Variants in FGF12 observed in about 807,000 individuals in gnomAD.
FGF12 encodes fibroblast growth factor 12.
Under a neutral mutation model 23.6 loss-of-function variants are expected in FGF12, and 14 were observed. The observed-to-expected ratio is 0.59, with a 90% CI of 0.39 to 0.93. The LOEUF (loss-of-function observed/expected upper bound fraction) is 0.93, where lower values mean the gene tolerates loss of function less well. Ranked by LOEUF, FGF12 falls within the 40% of genes least tolerant of loss-of-function variation. The pLI is 0.00. For missense variants in FGF12, 175 were observed against 217.8 expected (o/e 0.80, Z 1.24); for synonymous variants, 62 against 77.3 (o/e 0.80, Z 1.04).
intron 4 of FGF12, among the ~76,000 whole-genome samples, chr3:192,291,444 G>A (rs1714754448): frequency 6.6e-6 from 1 of 152,104 alleles, no homozygotes; most frequent in Admixed American, 6.6e-5. Context: ...TTAGCTGGGT[G>A]TGGTGGCACA....
Position 192,140,314 on chromosome 3 carries a change from T to G in FGF12, c.*3695A>C, listed in dbSNP as rs1363575690. On this transcript the variant is annotated 3_prime_UTR_variant, in exon 6 of 6. Transcript: ENST00000445105. ...GAGAAATAACCTCAGCCTTTTATGGTATTAAAATGAGCAGGGAATTTTTAT... is the reference window on the plus strand; with the variant it reads ...GAGAAATAACCTCAGCCTTTTATGGGATTAAAATGAGCAGGGAATTTTTAT... The G allele has an allele frequency of 2.0e-5, 3 of 152,046 alleles. No individual in the cohort carries two copies. Among genetic ancestry groups the G allele is most frequent in the Non-Finnish European group, 4.4e-5 (3 of 67,916 alleles). The allele number at this position is 152,046 out of a possible 1,614,324, so 9.4% of individuals were successfully genotyped here.
At chr3:192,661,297 G>A (rs1409622011) in intron 2 of FGF12, among the ~76,000 whole-genome samples, 9 of 152,202 alleles carry the variant, frequency 5.9e-5, no homozygotes, top group Admixed American at 1.3e-4. Flanking sequence ...CAAGGCGGGC[G>A]GATCACTTGA....
At chr3:192,373,884 TC>T (rs1719355369) in intron 2 of FGF12, among the ~76,000 whole-genome samples, 1 of 152,214 alleles carries the variant, frequency 6.6e-6, no homozygotes, top group South Asian at 2.1e-4. Flanking sequence ...CATGGCCGAC[TC>T]CAAGAAGCAT....
chr3:192,635,795 TCTG>T (rs1715558287), intron 2 of FGF12, among the ~76,000 whole-genome samples: 2 of 152,188 alleles, frequency 1.3e-5, no homozygotes, highest in African/African-American at 2.4e-5. Flanking sequence ...TGGTTTCTCT[TCTG>T]AAGTTCTATG....
In FGF12 at chr3:192,499,844, G is replaced by A. The variant is rs555723634; in HGVS notation, c.14-139306C>T. Among the ~76,000 whole-genome samples the A allele has an allele frequency of 1.5e-4, 23 of 151,828 alleles. No homozygotes were observed. The East Asian group carries it at 3.9e-3, about 26-fold the overall frequency. On this transcript the variant is annotated intron_variant, in intron 2 of 5. Transcript: ENST00000445105. ...ATTACAGGTGTGAGCCACCGTGCCC[G>A]GCCTGCTAGGATCCAAATATTAAGA...
chr3:192,433,457 G>A (rs1453593845), intron 2 of FGF12, among the ~76,000 whole-genome samples: 4 of 152,138 alleles, frequency 2.6e-5, no homozygotes, highest in Non-Finnish European at 5.9e-5. Context: ...AAAGAATTTA[G>A]ACCAAATTGC....
chr3:192,442,997 C>T lies in FGF12; in HGVS notation c.14-82459G>A, dbSNP rs765275999. 2.6e-5 allele frequency among the ~76,000 whole-genome samples: 4 copies of T among 151,930 alleles called. No individual in the cohort carries two copies. The East Asian group carries it at 5.8e-4, about 22-fold the overall frequency. On this transcript the variant is annotated intron_variant, in intron 2 of 5. Coordinates refer to ENST00000445105, the MANE Select transcript of FGF12 (RefSeq NM_004113.6). ...TAATTTTTTGTATTTTTAGTAGAGA[C>T]GGGGTTTCACCATCTTGGCCAGGCT...
At chr3:192,239,659 G>A (rs1292935814) in intron 4 of FGF12, among the ~76,000 whole-genome samples, 2 of 152,174 alleles carry the variant, frequency 1.3e-5, no homozygotes, top group African/African-American at 4.8e-5. Context: ...GAACCCTATT[G>A]TGAACTGTGC....
chr3:192,303,027 T>C (rs1242502447), intron 4 of FGF12, among the ~76,000 whole-genome samples: 1 of 152,218 alleles, frequency 6.6e-6, no homozygotes, highest in East Asian at 1.9e-4. Context: ...TAAATCTCTT[T>C]TGTAATTGCT....
At chr3:192,478,770 T>C (rs1360867978) in intron 2 of FGF12, among the ~76,000 whole-genome samples, 2 of 152,332 alleles carry the variant, frequency 1.3e-5, no homozygotes, top group East Asian at 3.9e-4. Flanking sequence ...TAGTATTTAA[T>C]TGGTCTTCAG....
chr3:192,409,884 G>A lies in FGF12; in HGVS notation c.14-49346C>T, dbSNP rs1217804685. Among the ~76,000 whole-genome samples the A allele has an allele frequency of 6.6e-6, 1 of 151,704 alleles. No individual in the cohort carries two copies. The highest frequency in any genetic ancestry group is 2.0e-4 in the East Asian group (1 of 5,068). ...GCTGCGCGGGTGGCCGCTCAGAGCC[G>A]CGGGCTTGCGGGGCGCCCCCCGCCG... is the stretch of plus-strand genomic sequence containing the variant. On this transcript the variant is annotated intron_variant, in intron 2 of 5. Coordinates refer to ENST00000445105, the MANE Select transcript of FGF12 (RefSeq NM_004113.6). This position sits in a 1 kb window ranked among gnomAD's most constrained non-coding sequence, Gnocchi z 4.8.
chr3:192,566,255 T>C (rs1223251786), intron 2 of FGF12, among the ~76,000 whole-genome samples: 1 of 152,238 alleles, frequency 6.6e-6, no homozygotes, highest in Non-Finnish European at 1.5e-5. Flanking sequence ...ACTCAAGGAA[T>C]CTGGCCTCAG....
chr3:192,411,955 C>T (rs1721212489), intron 2 of FGF12, among the ~76,000 whole-genome samples: 1 of 147,806 alleles, frequency 6.8e-6, no homozygotes, highest in Non-Finnish European at 1.5e-5. Flanking sequence ...AAAATATGGC[C>T]GGTTTTTTTT....
chr3:192,497,142 G>A (rs896448001), intron 2 of FGF12, among the ~76,000 whole-genome samples: 12 of 151,776 alleles, frequency 7.9e-5, no homozygotes, highest in Non-Finnish European at 1.3e-4. Flanking sequence ...TTATTCCTCC[G>A]CCCTCTGCCG....
Position 192,252,426 on chromosome 3 carries a change from G to A in FGF12, c.229-81770C>T, listed in dbSNP as rs567666313. ...TGCAGTGAGCCCAGATCATGCCCCT[G>A]CACTCCAGCCTGGGTAATGGAGTGA... On this transcript the variant is annotated intron_variant, in intron 4 of 5. Coordinates refer to ENST00000445105, the MANE Select transcript of FGF12 (RefSeq NM_004113.6). 4.5e-3 allele frequency among the ~76,000 whole-genome samples: 514 copies of A among 114,476 alleles called. 4 individuals carry two copies. The highest frequency in any genetic ancestry group is 4.6e-3 in the Non-Finnish European group (283 of 61,730). The allele number at this position is 114,476 out of a possible 152,430, so 75.1% of individuals were successfully genotyped here.
intron 5 of FGF12, among the ~76,000 whole-genome samples, chr3:192,147,310 C>G (rs1466187678): frequency 6.6e-6 from 1 of 152,110 alleles, no homozygotes; most frequent in Non-Finnish European, 1.5e-5. Flanking sequence ...AATCAAATTT[C>G]TGAATTACAA....
At chr3:192,240,818 C>T (rs1719580397) in intron 4 of FGF12, among the ~76,000 whole-genome samples, 1 of 152,076 alleles carries the variant, frequency 6.6e-6, no homozygotes, top group Non-Finnish European at 1.5e-5. Flanking sequence ...TACTATCATG[C>T]TTTTCACCAT....
intron 4 of FGF12, among the ~76,000 whole-genome samples, chr3:192,299,328 T>C (rs1715215019): frequency 6.6e-6 from 1 of 152,182 alleles, no homozygotes. Flanking sequence ...TTGATTTGTG[T>C]TGCTGAGAAA....
chr3:192,370,970 A>G (rs1719200730), intron 2 of FGF12, among the ~76,000 whole-genome samples: 1 of 152,238 alleles, frequency 6.6e-6, no homozygotes, highest in Non-Finnish European at 1.5e-5. Flanking sequence ...AGGCATTCCC[A>G]TGAAGCCAAA....
Sources: gnomAD v4.1 joint callset for allele counts (sites outside exome capture counted in the v4.1 genomes callset) on GRCh38, gnomAD v4.1.1 for gene constraint, Gnocchi (gnomAD v3.1) non-coding constraint, MANE v1.5 for transcripts, NCBI Gene and HGNC (gene_info 2026-07-23, HGNC 2026-07-21) for gene names.